GRM7: variants seen among roughly 807,000 people sequenced by gnomAD.
GRM7 encodes glutamate metabotropic receptor 7.
Under a neutral mutation model 84.5 loss-of-function variants are expected in GRM7, and 35 were observed. The ratio of observed to expected loss-of-function variants is 0.41; its 90% confidence interval spans 0.32 to 0.55. The LOEUF is 0.55. GRM7 is among the 20% of genes least tolerant of loss of function. The pLI is 0.19. For synonymous variants in GRM7, 487 were observed against 455.1 expected, an observed-to-expected ratio of 1.07 and a Z score of -0.89; for missense variants, 1,003 against 1,194.6, an observed-to-expected ratio of 0.84 and a Z score of 2.36.
chr3:7,238,950 C>G (rs1354578775), intron 2 of GRM7, among the ~76,000 whole-genome samples: 1 of 142,278 alleles, frequency 7.0e-6, no homozygotes, highest in East Asian at 2.1e-4. Flanking sequence ...TTCTCTTTTC[C>G]TTTTCCTTTT....
At chr3:7,252,671 C>CTTTTCTTTTCTTT (rs553471409) in intron 2 of GRM7, among the ~76,000 whole-genome samples, 4,381 of 134,534 alleles carry the variant, frequency 0.033, 213 homozygotes, top group African/African-American at 0.09. Flanking sequence ...CTATTTTTTT[C>CTTTTCTTTTCTTT]TTTTCTTTTC....
intron 1 of GRM7, among the ~76,000 whole-genome samples, chr3:7,100,273 A>G (rs1699065239): frequency 6.6e-6 from 1 of 151,544 alleles, no homozygotes; most frequent in Non-Finnish European, 1.5e-5. Context: ...ATGGTGTTTC[A>G]TGGGCTGTGT....
chr3:7,617,078 G>A (rs1432340919), intron 8 of GRM7, among the ~76,000 whole-genome samples: 1 of 152,110 alleles, frequency 6.6e-6, no homozygotes, highest in Non-Finnish European at 1.5e-5. Flanking sequence ...TTGGTGTAAG[G>A]ATGGATAAAT....
At chr3:7,665,969 G>A (rs546943910) in intron 8 of GRM7, among the ~76,000 whole-genome samples, 1 of 152,226 alleles carries the variant, frequency 6.6e-6, no homozygotes, top group South Asian at 2.1e-4. Context: ...ATTTTTTGAA[G>A]GCTTCATTTT....
At chr3:7,199,130 G>C (rs1465589317) in intron 2 of GRM7, among the ~76,000 whole-genome samples, 1 of 152,166 alleles carries the variant, frequency 6.6e-6, no homozygotes, top group Non-Finnish European at 1.5e-5. Flanking sequence ...CCTTAGACTT[G>C]CTTTGATTCA....
intron 8 of GRM7, among the ~76,000 whole-genome samples, chr3:7,653,246 T>A (rs568211190): frequency 1.4e-5 from 2 of 141,084 alleles, no homozygotes; most frequent in East Asian, 4.5e-4. Context: ...TAACTGTAAA[T>A]GCTTTTAGGA....
chr3:7,427,752 G>A (rs376674582), intron 5 of GRM7, among the ~76,000 whole-genome samples: 1 of 152,112 alleles, frequency 6.6e-6, no homozygotes, highest in Non-Finnish European at 1.5e-5. Context: ...TCCCCTCTGA[G>A]ATCATTTTTG....
chr3:7,364,449 G>T (rs1693794402), intron 4 of GRM7, among the ~76,000 whole-genome samples: 1 of 151,696 alleles, frequency 6.6e-6, no homozygotes, highest in African/African-American at 2.4e-5. Flanking sequence ...TGATCTTCTA[G>T]TGGTGAGTTT....
intron 6 of GRM7, among the ~76,000 whole-genome samples, chr3:7,457,850 G>A (rs1698082373): frequency 6.6e-6 from 1 of 152,260 alleles, no homozygotes; most frequent in South Asian, 2.1e-4. Flanking sequence ...CCACCGGTTA[G>A]CCAATATCAA....
chr3:7,541,294 TAAG>T (rs1692871944), intron 7 of GRM7, among the ~76,000 whole-genome samples: 1 of 152,086 alleles, frequency 6.6e-6, no homozygotes, highest in Non-Finnish European at 1.5e-5. Flanking sequence ...TTTTTTTAAG[TAAG>T]AAGAATAGAA....
At chr3:7,255,589 C>A (rs1043503016) in intron 2 of GRM7, among the ~76,000 whole-genome samples, 1 of 152,118 alleles carries the variant, frequency 6.6e-6, no homozygotes. Context: ...AGAACAAAAT[C>A]CAAAATGACC....
chr3:7,312,751 TA>T (rs1396022793), intron 4 of GRM7, among the ~76,000 whole-genome samples: 2 of 151,774 alleles, frequency 1.3e-5, no homozygotes, highest in Non-Finnish European at 1.5e-5. Context: ...TTCATAGAGA[TA>T]TTTCCCTCCC....
At chr3:7,734,766 T>A (rs1177024216) in intron 9 of GRM7, among the ~76,000 whole-genome samples, 1 of 152,222 alleles carries the variant, frequency 6.6e-6, no homozygotes, top group African/African-American at 2.4e-5. Context: ...CTCCATTTTT[T>A]TGGTAGTCAT....
Position 7,721,423 on chromosome 3 carries a change from C to T in GRM7, c.2699-18934C>T, listed in dbSNP as rs181518147. On this transcript the variant is annotated intron_variant, in intron 9 of 9. Transcript: ENST00000357716. ...GCCATATGGGCTCAATGTGTATGTA[C>T]AGACATACGCCAGAGATGTGCATGG... Among the ~76,000 whole-genome samples the T allele has an allele frequency of 1.2e-3, 179 of 152,300 alleles. 1 individual carries two copies. The highest frequency in any genetic ancestry group is 0.011 in the Admixed American group (169 of 15,302).
chr3:7,542,963 A>G (rs981042332), intron 7 of GRM7, among the ~76,000 whole-genome samples: 1 of 151,862 alleles, frequency 6.6e-6, no homozygotes, highest in Non-Finnish European at 1.5e-5. Flanking sequence ...TCAAACATAA[A>G]CTCTATGAAG....
chr3:7,243,391 T>C (rs1478206477), intron 2 of GRM7, among the ~76,000 whole-genome samples: 3 of 152,112 alleles, frequency 2.0e-5, no homozygotes, highest in Non-Finnish European at 4.4e-5. Flanking sequence ...TTGTCTCTCA[T>C]GTATGTTGGC....
chr3:7,245,727 A>G (rs1285542631), intron 2 of GRM7, among the ~76,000 whole-genome samples: 1 of 152,068 alleles, frequency 6.6e-6, no homozygotes, highest in Non-Finnish European at 1.5e-5. Flanking sequence ...ATTTGGATCC[A>G]TGAAAAGGAA....
intron 4 of GRM7, among the ~76,000 whole-genome samples, chr3:7,397,683 A>T (rs537754153): frequency 6.6e-6 from 1 of 152,292 alleles, no homozygotes; most frequent in African/African-American, 2.4e-5. Context: ...ATATTCAACT[A>T]TTATGTACTC....
chr3:7,326,527 T>A (rs1443980467), intron 4 of GRM7, among the ~76,000 whole-genome samples: 2 of 152,016 alleles, frequency 1.3e-5, no homozygotes, highest in Non-Finnish European at 2.9e-5. Context: ...GGAAAAGATA[T>A]TGAGCAGAAG....
Sources: gnomAD v4.1 joint callset for allele counts (sites outside exome capture counted in the v4.1 genomes callset) on GRCh38, gnomAD v4.1.1 for gene constraint, MANE v1.5 for transcripts, NCBI Gene and HGNC (gene_info 2026-07-23, HGNC 2026-07-21) for gene names.